Variants in IL34 observed in about 807,000 individuals in gnomAD.
IL34 encodes interleukin 34.
Under a neutral mutation model 25.3 loss-of-function variants are expected in IL34, and 17 were observed. That is an observed-to-expected ratio of 0.67 (90% CI 0.46 to 1.01). The LOEUF is 1.01. Ranked by LOEUF, IL34 falls within the 50% of genes least tolerant of loss-of-function variation. IL34 has a pLI of 0.00. For synonymous variants in IL34, 174 were observed against 140.9 expected, an observed-to-expected ratio of 1.23 and a Z score of -1.66; for missense variants, 368 against 312.9, an observed-to-expected ratio of 1.18 and a Z score of -1.33.
chr16:70,637,218 A>G (rs2051676104), intron 1 of IL34, among the ~76,000 whole-genome samples: 1 of 151,894 alleles, frequency 6.6e-6, no homozygotes, highest in Admixed American at 6.6e-5. Flanking sequence ...CTAGCTTTGC[A>G]TGGATGATCC....
intron 5 of IL34, 116 bp from the exon 6 acceptor site, chr16:70,659,881 G>A: frequency 1.4e-6 from 2 of 1,480,144 alleles, no homozygotes; most frequent in Non-Finnish European, 1.8e-6. Context: ...AGCCATTTCT[G>A]GAAGCCAGGA....
intron 1 of IL34, among the ~76,000 whole-genome samples, chr16:70,619,600 T>C (rs960178461): frequency 6.6e-6 from 1 of 151,448 alleles, no homozygotes; most frequent in African/African-American, 2.4e-5. Flanking sequence ...AAGAAGGTAA[T>C]GTGGAGTGGG....
At chr16:70,635,016 A>C (rs920059251) in intron 1 of IL34, among the ~76,000 whole-genome samples, 13 of 152,198 alleles carry the variant, frequency 8.5e-5, no homozygotes, top group Admixed American at 5.2e-4. Flanking sequence ...CAGTTTTAGA[A>C]GTGCCTATGA....
intron 1 of IL34, among the ~76,000 whole-genome samples, chr16:70,636,887 A>AT (rs571205439): frequency 1.7e-4 from 26 of 149,828 alleles, no homozygotes; most frequent in Admixed American, 6.0e-4. Flanking sequence ...ATTTTATTTT[A>AT]TTTTTTTTTT....
intron 1 of IL34, among the ~76,000 whole-genome samples, chr16:70,640,746 C>T (rs750476251): frequency 3.9e-5 from 6 of 152,006 alleles, no homozygotes; most frequent in African/African-American, 7.2e-5. Context: ...TTTAAGCATA[C>T]GGTTGGATAA....
Position 70,598,436 on chromosome 16 carries a change from GA to G in IL34, c.-401+18397del, listed in dbSNP as rs562032705. Reference sequence around the variant, plus strand: ...GCTCCTGGTGCTTCTGTCAACTAAAGAAAAAAAAAATCAATCTTTTGGCTGG... The same window carrying G: ...GCTCCTGGTGCTTCTGTCAACTAAAGAAAAAAAAATCAATCTTTTGGCTGG... On this transcript the variant is annotated intron_variant, in intron 1 of 6. Transcript: ENST00000429149. Among the ~76,000 whole-genome samples the G allele has an allele frequency of 1.6e-4, 24 of 149,474 alleles. 1 individual carries two copies. The highest frequency in any genetic ancestry group is 3.9e-4 in the East Asian group (2 of 5,100).
chr16:70,623,968 A>AAAGGG (rs2051335062), intron 1 of IL34, among the ~76,000 whole-genome samples: 1 of 133,692 alleles, frequency 7.5e-6, no homozygotes, highest in Non-Finnish European at 1.7e-5. Context: ...AAGGCGACGG[A>AAAGGG]CTTACCTTCC....
intron 4 of IL34, among the ~76,000 whole-genome samples, chr16:70,659,227 A>G (rs2052314396): frequency 6.6e-6 from 1 of 152,094 alleles, no homozygotes; most frequent in Non-Finnish European, 1.5e-5. Flanking sequence ...CTCTGTGAGG[A>G]CCTTCTCTTG....
intron 1 of IL34, among the ~76,000 whole-genome samples, chr16:70,602,915 G>A (rs546714433): frequency 6.6e-6 from 1 of 151,796 alleles, no homozygotes; most frequent in Non-Finnish European, 1.5e-5. Flanking sequence ...GCTTTGTCCT[G>A]GGGGCCACCG....
At chr16:70,642,589 C>T (rs1336760941), upstream of IL34, among the ~76,000 whole-genome samples, 1 of 152,154 alleles carries the variant, frequency 6.6e-6, no homozygotes, top group Non-Finnish European at 1.5e-5. Context: ...AGCCACTGAG[C>T]CCGGCCTGAT....
chr16:70,614,703 G>C (rs995234889), intron 1 of IL34, among the ~76,000 whole-genome samples: 1 of 152,208 alleles, frequency 6.6e-6, no homozygotes, highest in Non-Finnish European at 1.5e-5. Flanking sequence ...TACACTCTTT[G>C]TGTCTCACAG....
intron 1 of IL34, among the ~76,000 whole-genome samples, chr16:70,650,995 G>T (rs1042424189): frequency 3.3e-5 from 5 of 152,214 alleles, no homozygotes; most frequent in African/African-American, 9.7e-5. Context: ...TGGATCACGA[G>T]GTCAGGAGTT....
Position 70,659,665 on chromosome 16 carries a change from T to C in IL34, c.450T>C (p.Asn150=), listed in dbSNP as rs775686925. Residue 150 remains asparagine, a synonymous_variant, in exon 5 of 6, where the codon AAT becomes AAC. Coordinates refer to ENST00000288098, the MANE Select transcript of IL34 (RefSeq NM_001393494.1). ...TGGAATCCGTGTTGTCCCTCTTGAA[T>C]GCCCCAGGGCCAAACCTGAAGCTGG... is the stretch of plus-strand genomic sequence containing the variant. ...PKVESVLSLL[N]APGPNLKLVR... 2 of 1,613,072 alleles carry C rather than the reference T, an allele frequency of 1.2e-6. No homozygotes were observed. Among genetic ancestry groups the C allele is most frequent in the South Asian group, 1.1e-5 (1 of 90,988 alleles).
chr16:70,645,192 G>T (rs528451980), upstream of IL34, among the ~76,000 whole-genome samples: 3 of 152,202 alleles, frequency 2.0e-5, no homozygotes, highest in Admixed American at 6.5e-5. Context: ...AAAGGAGGAA[G>T]GACAAGGAAA....
At chr16:70,604,936 C>CTG (rs1191973252) in intron 1 of IL34, among the ~76,000 whole-genome samples, 1 of 148,610 alleles carries the variant, frequency 6.7e-6, no homozygotes, top group Non-Finnish European at 1.5e-5. Flanking sequence ...GTGTGCATGT[C>CTG]TGTGTGTGTG....
intron 1 of IL34, among the ~76,000 whole-genome samples, chr16:70,596,309 G>A (rs1397756260): frequency 6.6e-6 from 1 of 152,190 alleles, no homozygotes; most frequent in African/African-American, 2.4e-5. Context: ...GAATTTTGGG[G>A]GAGACACAGA....
At chr16:70,616,782 C>T (rs1597748766) in intron 1 of IL34, among the ~76,000 whole-genome samples, 2 of 152,250 alleles carry the variant, frequency 1.3e-5, no homozygotes, top group East Asian at 3.9e-4. Flanking sequence ...AGGAACAAAT[C>T]ACAATGGTGG....
At position 70,628,168 on chromosome 16, in the gene IL34, G is replaced by A. The variant is rs1267741148; in HGVS notation, c.-400-18380G>A. ...TGTGTAGTGGTAATTAATTGTGGTC[G>A]AGCACCTTATTATATATTTATTGGC... is the stretch of plus-strand genomic sequence containing the variant. On this transcript the variant is annotated intron_variant, in intron 1 of 6. Transcript: ENST00000429149. 5.9e-5 allele frequency among the ~76,000 whole-genome samples: 9 copies of A among 152,110 alleles called. No individual in the cohort carries two copies. In the South Asian group the frequency reaches 6.2e-4, roughly 11 times the overall value.
chr16:70,658,768 C>T (rs998758334), intron 4 of IL34, among the ~76,000 whole-genome samples: 1 of 152,184 alleles, frequency 6.6e-6, no homozygotes. Flanking sequence ...CCATTCCTGG[C>T]CGTCTCAGTC....
Sources: allele counts gnomAD v4.1 joint callset (sites outside exome capture counted in the v4.1 genomes callset), GRCh38; gene constraint gnomAD v4.1.1; transcripts MANE v1.5; gene names NCBI Gene and HGNC (gene_info 2026-07-23, HGNC 2026-07-21).